SRSF11: variants seen among roughly 807,000 people sequenced by gnomAD.
SRSF11 encodes serine and arginine rich splicing factor 11, also known as serine/arginine-rich splicing factor 11.
A neutral mutation model predicts 56.0 loss-of-function variants in SRSF11; 9 were observed. The observed-to-expected ratio is 0.16, with a 90% confidence interval of 0.10 to 0.28. The LOEUF is 0.28. Among genes scored for constraint, SRSF11 ranks in the 10% least tolerant of loss-of-function variants. The pLI, the probability that SRSF11 is intolerant of heterozygous loss-of-function variation, is 1.00. For synonymous variants in SRSF11, 222 were observed against 215.3 expected (o/e 1.03, Z -0.27); for missense variants, 421 against 600.7 (o/e 0.70, Z 3.13).
intron 1 of SRSF11, among the ~76,000 whole-genome samples, chr1:70,210,511 G>A (rs1433819296): frequency 6.6e-6 from 1 of 152,134 alleles, no homozygotes; most frequent in Non-Finnish European, 1.5e-5. Flanking sequence ...TCAGGAGTTA[G>A]AGACCAGCCT....
Position 70,244,696 on chromosome 1 carries a change from C to G in SRSF11, c.813C>G (p.Ser271Arg). The change falls in exon 8 of 12, where the codon AGC becomes AGG. Residue 271 changes from serine (S) to arginine (R), a missense_variant. Coordinates refer to ENST00000370949, the MANE Select transcript of SRSF11 (RefSeq NM_001350605.2). ...TTTACACTATTAGGCGGTCAAGAAG[C>G]AGATCGAGACGGCGGTCACATTCTA... is the stretch of plus-strand genomic sequence containing the variant. Reference protein sequence around the residue: ...PSSSRHRRSRSRSRRRSHSKS... With the variant: ...PSSSRHRRSRRRSRRRSHSKS... The G allele has an allele frequency of 6.2e-7, 1 of 1,613,914 alleles. No individual in the cohort carries two copies. The highest frequency in any genetic ancestry group is 8.5e-7 in the Non-Finnish European group (1 of 1,179,852).
chr1:70,243,976 A>G (rs1676148293), intron 7 of SRSF11, among the ~76,000 whole-genome samples: 1 of 152,220 alleles, frequency 6.6e-6, no homozygotes, highest in African/African-American at 2.4e-5. Context: ...GAGCCAGGTC[A>G]GGACACAATG....
At chr1:70,245,671 A>G (rs556454714) in intron 8 of SRSF11, among the ~76,000 whole-genome samples, 1 of 152,318 alleles carries the variant, frequency 6.6e-6, no homozygotes, top group Admixed American at 6.5e-5. Flanking sequence ...ACTAGACTCA[A>G]CGGGAGGCAT....
Position 70,250,473 on chromosome 1 carries a change from A to G in SRSF11, c.1227A>G (p.Glu409=), listed in dbSNP as rs757016269. The change falls in exon 11 of 12, where the codon GAA becomes GAG. Residue 409 remains glutamate, a synonymous_variant. Transcript: ENST00000370949. ...GTAAAGATAAGGAAAAGGACCGGGA[A>G]AGAAAATCAGAGAGTGATAAAGATG... is the stretch of plus-strand genomic sequence containing the variant. The part of the protein sequence containing the change: ...KKSKDKEKDR[E]RKSESDKDVK... The G allele has an allele frequency of 1.2e-5, 20 of 1,605,588 alleles. No individual in the cohort carries two copies. The highest frequency in any genetic ancestry group is 2.7e-5 in the African/African-American group (2 of 74,744).
In SRSF11 at chr1:70,221,410, C is replaced by T. The variant is rs967747745; in HGVS notation, c.-227C>T. ...CGTGGTTGGAGGCGAGGTGGGGCGG[C>T]CGTTTGTTTTCTCGTGGTCTCGAGC... On this transcript the variant is annotated 5_prime_UTR_variant, in exon 1 of 12. Coordinates refer to ENST00000370949, the MANE Select transcript of SRSF11 (RefSeq NM_001350605.2). 14 of 548,212 alleles carry T rather than the reference C, an allele frequency of 2.6e-5. No individual in the cohort carries two copies. Among genetic ancestry groups the T allele is most frequent in the South Asian group, 1.3e-4 (5 of 39,202 alleles). The allele number at this position is 548,212 out of a possible 1,614,324, so 34.0% of individuals were successfully genotyped here. A position where few individuals can be genotyped will look rare whatever the true frequency, so the allele number is the denominator to read the frequency against.
chr1:70,248,557 A>G (rs958446391), intron 9 of SRSF11: 2 of 152,208 alleles, frequency 1.3e-5, no homozygotes, highest in Non-Finnish European at 2.9e-5. Flanking sequence ...ATGAAACCAA[A>G]TGTAAGTACA....
chr1:70,214,208 C>G (rs17131241), intron 1 of SRSF11, among the ~76,000 whole-genome samples: 5 of 151,854 alleles, frequency 3.3e-5, no homozygotes, highest in African/African-American at 4.8e-5. Flanking sequence ...TTTTTAAGAT[C>G]GTGAAGCATT....
At chr1:70,211,996 A>C (rs1669598749) in intron 1 of SRSF11, among the ~76,000 whole-genome samples, 1 of 152,180 alleles carries the variant, frequency 6.6e-6, no homozygotes, top group South Asian at 2.1e-4. Flanking sequence ...AATATCTCCA[A>C]GTGCTTTAGA....
chr1:70,224,756 GTC>G (rs1028629832), intron 1 of SRSF11, among the ~76,000 whole-genome samples: 2 of 152,122 alleles, frequency 1.3e-5, no homozygotes, highest in African/African-American at 4.8e-5. Flanking sequence ...TATTCTAACT[GTC>G]TCTACAGCAT....
intron 4 of SRSF11, among the ~76,000 whole-genome samples, chr1:70,235,153 C>A (rs911187708): frequency 1.3e-5 from 2 of 151,828 alleles, no homozygotes; most frequent in African/African-American, 4.8e-5. Flanking sequence ...TTGTAGAGGT[C>A]TTTTGCATTA....
rs74442869 is a variant in SRSF11, at chr1:70,222,973, G to A, written c.203+1134G>A. Among the ~76,000 whole-genome samples, 917 of 152,314 alleles carry A rather than the reference G, an allele frequency of 6.0e-3. 12 individuals are homozygous for A. Among genetic ancestry groups the A allele is most frequent in the African/African-American group, 0.021 (890 of 41,576 alleles). On this transcript the variant is annotated intron_variant, in intron 1 of 11. Coordinates refer to ENST00000370949, the MANE Select transcript of SRSF11 (RefSeq NM_001350605.2). Reference sequence around the variant, plus strand: ...ATTTTTAGGGAAATGTACATGTGGAGAGAGGATTTACTTAGTTTGCATGAC... The same window carrying A: ...ATTTTTAGGGAAATGTACATGTGGAAAGAGGATTTACTTAGTTTGCATGAC...
chr1:70,242,974 T>C (rs1401228305), intron 7 of SRSF11, among the ~76,000 whole-genome samples: 2 of 152,130 alleles, frequency 1.3e-5, no homozygotes, highest in African/African-American at 4.8e-5. Context: ...GGAGATGTTA[T>C]TGCAAGGAAT....
At position 70,244,816 on chromosome 1, in the gene SRSF11, G is replaced by GTA; in HGVS notation, c.932+4_932+5dup. The GTA allele has an allele frequency of 6.2e-7, 1 of 1,613,940 alleles. No individual in the cohort carries two copies. The highest frequency in any genetic ancestry group is 8.5e-7 in the Non-Finnish European group (1 of 1,179,948). The stretch of plus-strand genomic sequence containing the variant: ...GGTCAAGGAGCACATCAAAAACAAG[G>GTA]TATAGCATTGGGTGAGAAAGCAAAT... On this transcript the variant is annotated splice_donor_variant, in intron 8 of 11. Transcript: ENST00000370949. LOFTEE classifies it high-confidence loss of function.
Position 70,231,439 on chromosome 1 carries a change from CAGAT to C in SRSF11, c.338-827_338-824del, listed in dbSNP as rs142646769. 5,237 of 1,055,824 alleles carry C rather than the reference CAGAT, an allele frequency of 5.0e-3. 32 individuals carry two copies. The highest frequency in any genetic ancestry group is 0.029 in the South Asian group (944 of 32,648). The allele number at this position is 1,055,824 out of a possible 1,614,324, so 65.4% of individuals were successfully genotyped here. On this transcript the variant is annotated intron_variant, in intron 2 of 11. Coordinates refer to ENST00000370949, the MANE Select transcript of SRSF11 (RefSeq NM_001350605.2). ...GAATACACAGATTAGGCTTTAAAAA[CAGAT>C]ATATATGTCATTTTTGGCTTAAGGA... is the stretch of plus-strand genomic sequence containing the variant.
chr1:70,214,048 T>G (rs1348536889), intron 1 of SRSF11, among the ~76,000 whole-genome samples: 3 of 152,202 alleles, frequency 2.0e-5, no homozygotes, highest in Non-Finnish European at 2.9e-5. Flanking sequence ...AAAGTTAATT[T>G]ACTGCATGGG....
At chr1:70,208,157 T>C (rs371157587) in intron 1 of SRSF11, among the ~76,000 whole-genome samples, 1 of 152,232 alleles carries the variant, frequency 6.6e-6, no homozygotes, top group East Asian at 1.9e-4. Context: ...TGACATTTAA[T>C]GATACTGTAT....
intron 2 of SRSF11, chr1:70,229,958 G>A (rs1047970765): frequency 1.3e-4 from 124 of 985,256 alleles, no homozygotes; most frequent in Non-Finnish European, 1.4e-4. Flanking sequence ...CAGTGTGCCT[G>A]TTGTAGGATA....
At chr1:70,248,839 C>T (rs199701857) in intron 9 of SRSF11, 1 of 151,996 alleles carries the variant, frequency 6.6e-6, no homozygotes, top group South Asian at 2.1e-4. Flanking sequence ...ATACTTCTTC[C>T]GTCTAGAGAA....
intron 10 of SRSF11, 66 bp downstream of exon 10, chr1:70,250,113 C>G (rs1677664798): frequency 2.8e-6 from 4 of 1,439,282 alleles, no homozygotes; most frequent in Non-Finnish European, 2.9e-6. Flanking sequence ...TTAAAACTGT[C>G]CTGTAGTTTT....
Sources: gnomAD v4.1 joint callset for allele counts (sites outside exome capture counted in the v4.1 genomes callset) on GRCh38, gnomAD v4.1.1 for gene constraint, MANE v1.5 for transcripts, NCBI Gene and HGNC (gene_info 2026-07-23, HGNC 2026-07-21) for gene names.